The following ITSN1 variants were observed in gnomAD, a reference collection of about 807,000 sequenced individuals.
The protein encoded by ITSN1 is intersectin-1.
Under a neutral mutation model 239.8 loss-of-function variants are expected in ITSN1, and 58 were observed. The observed-to-expected ratio is 0.24, with a 90% CI of 0.20 to 0.30. ITSN1 has a LOEUF of 0.30. Among genes scored for constraint, ITSN1 ranks in the 10% least tolerant of loss-of-function variants. ITSN1 has a pLI of 1.00. For synonymous variants in ITSN1, 780 were observed against 770.8 expected, an observed-to-expected ratio of 1.01 and a Z score of -0.20; for missense variants, 1,558 against 2,103.3, an observed-to-expected ratio of 0.74 and a Z score of 5.07.
intron 4 of ITSN1, among the ~76,000 whole-genome samples, chr21:33,728,751 T>C (rs1274695895): frequency 6.6e-6 from 1 of 152,182 alleles, no homozygotes; most frequent in African/African-American, 2.4e-5. Flanking sequence ...GTAGCACTTA[T>C]CACCATGTAA....
At chr21:33,717,727 TTTTGTG>T (rs1569011613) in intron 1 of ITSN1, among the ~76,000 whole-genome samples, 1 of 140,404 alleles carries the variant, frequency 7.1e-6, no homozygotes, top group Non-Finnish European at 1.6e-5. Context: ...AGCTAATTTT[TTTTGTG>T]TGTGTGTGTG....
At chr21:33,735,267 T>C in intron 5 of ITSN1, 63 bp downstream of exon 5, 2 of 1,488,422 alleles carry the variant, frequency 1.3e-6, no homozygotes, top group Admixed American at 1.7e-5. Context: ...AATGTTTTCC[T>C]TTTTTTCCCT....
At chr21:33,697,234 ATTT>A (rs11419453) in intron 1 of ITSN1, among the ~76,000 whole-genome samples, 1 of 121,678 alleles carries the variant, frequency 8.2e-6, no homozygotes, top group African/African-American at 3.1e-5. Flanking sequence ...CACCTGGCTA[ATTT>A]TTTTTTTTTT....
At chr21:33,670,606 G>T (rs988079523) in intron 1 of ITSN1, among the ~76,000 whole-genome samples, 1 of 152,076 alleles carries the variant, frequency 6.6e-6, no homozygotes, top group South Asian at 2.1e-4. Flanking sequence ...GTGCATACAT[G>T]CATGAATCAT....
At chr21:33,699,236 C>G (rs1442199544) in intron 1 of ITSN1, among the ~76,000 whole-genome samples, 1 of 152,070 alleles carries the variant, frequency 6.6e-6, no homozygotes, top group Admixed American at 6.6e-5. Flanking sequence ...ATCTTGTATT[C>G]TATATCTTAC....
chr21:33,749,951 G>A (rs573857660), intron 5 of ITSN1, among the ~76,000 whole-genome samples, 192 bp from the exon 6 acceptor site: 1 of 152,278 alleles, frequency 6.6e-6, no homozygotes, highest in African/African-American at 2.4e-5. Flanking sequence ...TTCAGGTTGA[G>A]TCTTGAGTCC....
intron 5 of ITSN1, among the ~76,000 whole-genome samples, chr21:33,744,985 C>T (rs910135965): frequency 3.9e-5 from 6 of 152,168 alleles, no homozygotes; most frequent in Admixed American, 3.9e-4. Context: ...AGTATATCCT[C>T]ATTAGAAGCA....
intron 1 of ITSN1, among the ~76,000 whole-genome samples, chr21:33,715,233 C>T (rs1601799967): frequency 6.9e-6 from 1 of 145,826 alleles, no homozygotes; most frequent in East Asian, 2.0e-4. Context: ...TAATGTAAGG[C>T]TAAATTCTTT....
At chr21:33,840,861 A>G (rs889373378) in intron 29 of ITSN1, among the ~76,000 whole-genome samples, 1 of 152,224 alleles carries the variant, frequency 6.6e-6, no homozygotes, top group Non-Finnish European at 1.5e-5. Context: ...CTGTGTAAAT[A>G]TATTTGCAAG....
intron 26 of ITSN1, chr21:33,829,259 G>A (rs2074150521): frequency 1.2e-5 from 4 of 341,622 alleles, no homozygotes; most frequent in Non-Finnish European, 2.3e-5. Context: ...GGTGGGTGGT[G>A]AATGAGGCCC....
chr21:33,861,322 G>A (rs1980481066), intron 31 of ITSN1, among the ~76,000 whole-genome samples: 1 of 152,046 alleles, frequency 6.6e-6, no homozygotes, highest in Non-Finnish European at 1.5e-5. Context: ...AGAAGTTAAG[G>A]CAGCAATCCC....
chr21:33,652,359 A>C (rs2088618768), intron 1 of ITSN1, among the ~76,000 whole-genome samples: 1 of 152,146 alleles, frequency 6.6e-6, no homozygotes, highest in Non-Finnish European at 1.5e-5. Context: ...CTGGGGTTCA[A>C]AGCATACCTG....
Position 33,865,344 on chromosome 21 carries a change from C to T in ITSN1, c.4074+10C>T. ...CAAGGAGTTCGTCAAAGTAAGGAGC[C>T]AGGCTGTGCAGAGACTGGGCCCCAG... On this transcript the variant is annotated intron_variant, in intron 32 of 39. Transcript: ENST00000381318. The surrounding 1 kb of genome is among the most constrained non-coding windows in gnomAD (Gnocchi z 4.4). The T allele has an allele frequency of 2.0e-6, 3 of 1,531,876 alleles. No individual in the cohort carries two copies. Among genetic ancestry groups the T allele is most frequent in the Non-Finnish European group, 1.8e-6 (2 of 1,136,234 alleles). The allele number at this position is 1,531,876 out of a possible 1,614,324, so 94.9% of individuals were successfully genotyped here.
At chr21:33,837,577 G>A (rs759537451) in intron 29 of ITSN1, 13 of 985,708 alleles carry the variant, frequency 1.3e-5, no homozygotes, top group Middle Eastern at 5.2e-4. Flanking sequence ...TTTTAAAGAC[G>A]TATAGAATGA....
Position 33,647,119 on chromosome 21 carries a change from T to G in ITSN1, c.-33+4406T>G, listed in dbSNP as rs76075989. On this transcript the variant is annotated intron_variant, in intron 1 of 39. Transcript: ENST00000381318. Reference sequence around the variant, plus strand: ...TATGTATTAATATAAGTTTTGAAAATAAATACTAAATCTCCTGATCTCTTT... The same window carrying G: ...TATGTATTAATATAAGTTTTGAAAAGAAATACTAAATCTCCTGATCTCTTT... 9.5e-3 allele frequency among the ~76,000 whole-genome samples: 1,450 copies of G among 152,300 alleles called. 14 individuals carry two copies. The highest frequency in any genetic ancestry group is 0.014 in the Non-Finnish European group (957 of 68,024).
intron 11 of ITSN1, among the ~76,000 whole-genome samples, chr21:33,770,421 T>C (rs1324640557): frequency 6.6e-6 from 1 of 152,162 alleles, no homozygotes; most frequent in Non-Finnish European, 1.5e-5. Flanking sequence ...TTAGGGTAAT[T>C]AGGGCTTAAA....
intron 3 of ITSN1, 28 bp from the exon 4 acceptor site, chr21:33,722,560 C>CGA: frequency 8.3e-7 from 1 of 1,202,930 alleles, no homozygotes; most frequent in East Asian, 3.2e-5. Flanking sequence ...TTTTTTTTTT[C>CGA]CTGAAACTTT....
chr21:33,701,586 A>G (rs2092012904), intron 1 of ITSN1, among the ~76,000 whole-genome samples: 1 of 151,764 alleles, frequency 6.6e-6, no homozygotes, highest in Non-Finnish European at 1.5e-5. Context: ...TGAAGCCAGG[A>G]GTTTGAGACC....
chr21:33,755,937 G>A (rs575261470), intron 8 of ITSN1, among the ~76,000 whole-genome samples: 1 of 152,228 alleles, frequency 6.6e-6, no homozygotes, highest in African/African-American at 2.4e-5. Flanking sequence ...TGTTATCTAC[G>A]TCAGAAGGAT....
Sources: gnomAD v4.1 joint callset for allele counts (sites outside exome capture counted in the v4.1 genomes callset) on GRCh38, gnomAD v4.1.1 for gene constraint, Gnocchi (gnomAD v3.1) non-coding constraint, MANE v1.5 for transcripts, NCBI Gene and HGNC (gene_info 2026-07-23, HGNC 2026-07-21) for gene names.